The following FYB2 variants were observed in gnomAD, a reference collection of about 807,000 sequenced individuals.
The protein encoded by FYB2 is FYN binding protein 2, also known as FYN-binding protein 2.
FYB2 carries 103 observed loss-of-function variants against 94.1 expected under a neutral mutation model. That is an observed-to-expected ratio of 1.09 (90% confidence interval 0.93 to 1.29). The LOEUF (loss-of-function observed/expected upper bound fraction) is 1.29, where lower values mean the gene tolerates loss of function less well. Ranked by LOEUF, FYB2 falls within the 50% of genes most tolerant of loss-of-function variation. The pLI, the probability that FYB2 is intolerant of heterozygous loss-of-function variation, is 0.00. For missense variants in FYB2, 896 were observed against 841.5 expected, an observed-to-expected ratio of 1.06 and a Z score of -0.80; for synonymous variants, 293 against 287.9, an observed-to-expected ratio of 1.02 and a Z score of -0.18.
intron 4 of FYB2, among the ~76,000 whole-genome samples, chr1:56,779,468 A>T (rs1239874897): frequency 6.6e-6 from 1 of 152,194 alleles, no homozygotes; most frequent in African/African-American, 2.4e-5. Flanking sequence ...ACATGGCAGT[A>T]GCCCTTACCT....
intron 8 of FYB2, 129 bp from the exon 9 acceptor site, chr1:56,751,332 A>G (rs1645193639): frequency 1.9e-6 from 2 of 1,027,138 alleles, no homozygotes; most frequent in Non-Finnish European, 2.7e-6. Flanking sequence ...ACATTGAATA[A>G]TATCTTACTA....
chr1:56,814,802 A>G (rs374094999), intron 1 of FYB2, among the ~76,000 whole-genome samples: 44 of 151,836 alleles, frequency 2.9e-4, no homozygotes, highest in South Asian at 2.7e-3. Flanking sequence ...ATGTTACCCT[A>G]TCTTGTGACT....
intron 1 of FYB2, among the ~76,000 whole-genome samples, chr1:56,812,839 T>C (rs1646797473): frequency 6.6e-6 from 1 of 152,232 alleles, no homozygotes; most frequent in Admixed American, 6.5e-5. Flanking sequence ...ACACAGTTAT[T>C]TACATAAATT....
At chr1:56,787,100 T>G in intron 4 of FYB2, 75 bp downstream of exon 4, 4 of 1,510,060 alleles carry the variant, frequency 2.6e-6, no homozygotes, top group Non-Finnish European at 3.7e-6. Flanking sequence ...TTTGTGCTAA[T>G]TGCCTGCTCT....
chr1:56,738,715 T>G, intron 13 of FYB2, 62 bp from the exon 14 acceptor site: 1 of 1,528,414 alleles, frequency 6.5e-7, no homozygotes, highest in South Asian at 1.2e-5. Context: ...AAAGATGAGC[T>G]GACAGATCTC....
intron 4 of FYB2, among the ~76,000 whole-genome samples, chr1:56,770,315 AC>A (rs1212142383): frequency 2.6e-5 from 4 of 152,168 alleles, no homozygotes; most frequent in Admixed American, 1.3e-4. Flanking sequence ...ACCTACCTCC[AC>A]CCTAACTCGC....
chr1:56,733,175 A>G (rs1644748716), intron 15 of FYB2, among the ~76,000 whole-genome samples: 1 of 152,076 alleles, frequency 6.6e-6, no homozygotes, highest in Non-Finnish European at 1.5e-5. Context: ...ATGAACAGAC[A>G]TTTCTCAAAA....
rs149114988 is a variant in FYB2 at position 56,796,813 on chromosome 1, C to T, written c.10-4010G>A. Among the ~76,000 whole-genome samples, 60 of 152,266 alleles carry T rather than the reference C, an allele frequency of 3.9e-4. 1 individual carries two copies. The highest frequency in any genetic ancestry group is 1.4e-3 in the African/African-American group (57 of 41,544). On this transcript the variant is annotated intron_variant, in intron 1 of 19. Coordinates refer to ENST00000343433, the MANE Select transcript of FYB2 (RefSeq NM_001004303.5). ...AACTTTGAATGTGCTGCCTGCAATG[C>T]TCATCTTTCTCTCTAATTTCTTGAA...
At chr1:56,787,134 G>C in intron 4 of FYB2, 41 bp downstream of exon 4, 1 of 1,609,132 alleles carries the variant, frequency 6.2e-7, no homozygotes, top group Non-Finnish European at 8.5e-7. Flanking sequence ...TAGCCTCTGT[G>C]GTGGGCTACG....
intron 12 of FYB2, among the ~76,000 whole-genome samples, chr1:56,741,010 T>G (rs899306773): frequency 6.6e-6 from 1 of 152,006 alleles, no homozygotes; most frequent in Non-Finnish European, 1.5e-5. Context: ...AGTTCCCTAT[T>G]GGGTAAATGT....
intron 16 of FYB2, among the ~76,000 whole-genome samples, chr1:56,724,944 T>G (rs1359419400): frequency 6.6e-6 from 1 of 151,990 alleles, no homozygotes; most frequent in Non-Finnish European, 1.5e-5. Context: ...CTCTTGGTAA[T>G]GAGTGAGTTA....
chr1:56,747,387 C>T (rs1645092698), intron 9 of FYB2, among the ~76,000 whole-genome samples: 1 of 151,904 alleles, frequency 6.6e-6, no homozygotes. Flanking sequence ...AAGTATTTGT[C>T]CTAATGCTCT....
At chr1:56,721,522 C>T (rs1407347290) in intron 17 of FYB2, among the ~76,000 whole-genome samples, 1 of 151,988 alleles carries the variant, frequency 6.6e-6, no homozygotes, top group Non-Finnish European at 1.5e-5. Flanking sequence ...CCATTACTCA[C>T]TGTGAATTCA....
intron 1 of FYB2, among the ~76,000 whole-genome samples, chr1:56,805,518 C>A (rs1646624547): frequency 6.6e-6 from 1 of 152,110 alleles, no homozygotes; most frequent in Non-Finnish European, 1.5e-5. Flanking sequence ...CTGAAGATGA[C>A]AAAAGTCAGG....
rs980220172 is a variant in FYB2, at chr1:56,742,100, T to C, written c.1604+61A>G. 4 of 1,478,970 alleles carry C rather than the reference T, an allele frequency of 2.7e-6. No individual in the cohort carries two copies. The South Asian group carries it at 4.8e-5, about 18-fold the overall frequency. 91.6% of individuals were successfully genotyped at this position (1,478,970 alleles called of 1,614,324 possible). On this transcript the variant is annotated intron_variant, in intron 12 of 19. Coordinates refer to ENST00000343433, the MANE Select transcript of FYB2 (RefSeq NM_001004303.5). ...GGATGGTGGGTCCTCACTGAAACTC[T>C]GGCTTTACTAGACTAACAGGAAGTC...
rs749038374 is a variant in FYB2 at position 56,737,148 on chromosome 1, C to A, written c.1733-1G>T. 1.9e-6 allele frequency: 3 copies of A among 1,602,438 alleles called. No individual in the cohort carries two copies. The highest frequency in any genetic ancestry group is 1.7e-6 in the Non-Finnish European group (2 of 1,172,180). On this transcript the variant is annotated splice_acceptor_variant, in intron 14 of 19. Transcript: ENST00000343433. LOFTEE classifies it high-confidence loss of function. Reference sequence around the variant, plus strand: ...ATAATAACTTCCTGAGACTTAAGTTCTAGGGTCAAGACAGAATCAAAATAG... The same window carrying A: ...ATAATAACTTCCTGAGACTTAAGTTATAGGGTCAAGACAGAATCAAAATAG...
chr1:56,751,892 A>C (rs1645207523), intron 8 of FYB2, among the ~76,000 whole-genome samples: 1 of 152,010 alleles, frequency 6.6e-6, no homozygotes, highest in African/African-American at 2.4e-5. Flanking sequence ...CTGTCTTGGA[A>C]ACAGAGAGGA....
At chr1:56,750,419 T>C (rs1402838811) in intron 9 of FYB2, among the ~76,000 whole-genome samples, 1 of 151,576 alleles carries the variant, frequency 6.6e-6, no homozygotes, top group African/African-American at 2.4e-5. Context: ...AAACCAGGAG[T>C]GGAAAAAGTG....
intron 4 of FYB2, among the ~76,000 whole-genome samples, chr1:56,770,068 G>C (rs1388706643): frequency 1.3e-5 from 2 of 152,022 alleles, no homozygotes; most frequent in African/African-American, 4.8e-5. Context: ...CGTATACACC[G>C]ACACAAATTA....
Sources: gnomAD v4.1 joint callset for allele counts (sites outside exome capture counted in the v4.1 genomes callset) on GRCh38, gnomAD v4.1.1 for gene constraint, MANE v1.5 for transcripts, NCBI Gene and HGNC (gene_info 2026-07-23, HGNC 2026-07-21) for gene names.